Variants in LIX1 observed in about 807,000 individuals in gnomAD.
LIX1 encodes the protein limb and CNS expressed 1.
In LIX1, 24 loss-of-function variants were observed where a neutral mutation model predicts 33.4. The ratio of observed to expected loss-of-function variants is 0.72; its 90% CI spans 0.52 to 1.01. LIX1 has a LOEUF of 1.01. Among genes scored for constraint, LIX1 ranks in the 50% least tolerant of loss-of-function variants. The pLI is 0.00. For missense variants in LIX1, 311 were observed against 339.2 expected (o/e 0.92, Z 0.65); for synonymous variants, 124 against 124.0 (o/e 1.00, Z 0.00).
rs893605320 is a variant in LIX1, at chr5:97,093,332, G to T, written c.*1416C>A. 2.0e-5 allele frequency: 3 copies of T among 152,212 alleles called. No homozygotes were observed. Among genetic ancestry groups the T allele is most frequent in the Non-Finnish European group, 4.4e-5 (3 of 67,996 alleles). 9.4% of individuals were successfully genotyped at this position (152,212 alleles called of 1,614,324 possible). The stretch of plus-strand genomic sequence containing the variant: ...TGCACTTGCATAAACAAAAGAAAAA[G>T]AAATTATTTTAAATTGAGAAAAACA... On this transcript the variant is annotated 3_prime_UTR_variant, in exon 6 of 6. Transcript: ENST00000274382.
chr5:97,095,958 A>G (rs1746354907), intron 5 of LIX1, among the ~76,000 whole-genome samples: 1 of 152,236 alleles, frequency 6.6e-6, no homozygotes, highest in South Asian at 2.1e-4. Context: ...TTTCTTTTCC[A>G]TCTTTGACAT....
At position 97,108,684 on chromosome 5, in the gene LIX1, G is replaced by T. The variant is rs1747203016; in HGVS notation, c.247-1184C>A. On this transcript the variant is annotated intron_variant, in intron 2 of 5. Coordinates refer to ENST00000274382, the MANE Select transcript of LIX1 (RefSeq NM_153234.5). Reference sequence around the variant, plus strand: ...CTAGGGGGAAACAAGAGAAGTCCAGGCCTGGGTCCTGGTCAGTGGGGTGGC... The same window carrying T: ...CTAGGGGGAAACAAGAGAAGTCCAGTCCTGGGTCCTGGTCAGTGGGGTGGC... Among the ~76,000 whole-genome samples, 3 of 152,064 alleles carry T rather than the reference G, an allele frequency of 2.0e-5. No homozygotes were observed. In the South Asian group the frequency reaches 6.2e-4, roughly 32 times the overall value.
chr5:97,099,234 G>T (rs1306711932), intron 4 of LIX1, among the ~76,000 whole-genome samples: 1 of 152,202 alleles, frequency 6.6e-6, no homozygotes, highest in East Asian at 1.9e-4. Flanking sequence ...GGAGTGCTTT[G>T]TTCGAGAAAC....
intron 2 of LIX1, among the ~76,000 whole-genome samples, chr5:97,122,036 C>T (rs890157957): frequency 2.0e-5 from 3 of 152,124 alleles, no homozygotes; most frequent in Admixed American, 6.6e-5. Context: ...GCCTCTCATC[C>T]GTGTCTTTGG....
intron 4 of LIX1, among the ~76,000 whole-genome samples, chr5:97,097,210 G>T (rs1388997986): frequency 6.6e-6 from 1 of 152,178 alleles, no homozygotes; most frequent in Non-Finnish European, 1.5e-5. Flanking sequence ...GGATATCTGA[G>T]AAATAGTGTA....
intron 1 of LIX1, among the ~76,000 whole-genome samples, chr5:97,124,866 A>G (rs115426562): frequency 4.8e-4 from 73 of 152,296 alleles, no homozygotes; most frequent in Admixed American, 1.3e-3. Context: ...GCAAATGTGT[A>G]TATTTCTTAA....
intron 2 of LIX1, among the ~76,000 whole-genome samples, chr5:97,116,414 G>A (rs1747637627): frequency 6.6e-6 from 1 of 152,090 alleles, no homozygotes; most frequent in South Asian, 2.1e-4. Context: ...GTGTGTGCTG[G>A]GGATGGGGGT....
At chr5:97,127,358 C>T (rs535503571) in intron 1 of LIX1, among the ~76,000 whole-genome samples, 10 of 152,182 alleles carry the variant, frequency 6.6e-5, no homozygotes, top group Admixed American at 4.6e-4. Flanking sequence ...TGCACTAAGT[C>T]GATTTCTGTG....
At chr5:97,139,970 A>G (rs1157006749) in intron 1 of LIX1, among the ~76,000 whole-genome samples, 1 of 152,242 alleles carries the variant, frequency 6.6e-6, no homozygotes, top group Non-Finnish European at 1.5e-5. Flanking sequence ...ATTTCTTTAA[A>G]TGAATGTAAC....
chr5:97,098,360 TA>T (rs1490216588), intron 4 of LIX1, among the ~76,000 whole-genome samples: 1 of 152,204 alleles, frequency 6.6e-6, no homozygotes, highest in East Asian at 1.9e-4. Flanking sequence ...CTAAGGTGTA[TA>T]AGTTTACTGA....
intron 2 of LIX1, among the ~76,000 whole-genome samples, chr5:97,118,825 CT>C (rs1747704066): frequency 6.6e-6 from 1 of 152,012 alleles, no homozygotes; most frequent in Admixed American, 6.6e-5. Context: ...GCTATGGCTG[CT>C]TTCTCTCTCT....
At chr5:97,101,503 G>A (rs1381362919) in intron 4 of LIX1, among the ~76,000 whole-genome samples, 1 of 152,184 alleles carries the variant, frequency 6.6e-6, no homozygotes, top group African/African-American at 2.4e-5. Context: ...AGCTGGTCCT[G>A]ACCAGCGGAG....
chr5:97,108,363 C>T (rs1040107786), intron 2 of LIX1, among the ~76,000 whole-genome samples: 6 of 152,078 alleles, frequency 3.9e-5, no homozygotes, highest in Non-Finnish European at 7.4e-5. Flanking sequence ...AAAAAAAATT[C>T]ACTCCTCTCA....
At chr5:97,109,057 G>A (rs781445743) in intron 2 of LIX1, among the ~76,000 whole-genome samples, 17 of 152,096 alleles carry the variant, frequency 1.1e-4, no homozygotes, top group Admixed American at 4.6e-4. Flanking sequence ...TTATGCTCTC[G>A]TGTCCTCTAG....
intron 1 of LIX1, among the ~76,000 whole-genome samples, chr5:97,141,098 T>C (rs935532609): frequency 7.9e-5 from 12 of 151,686 alleles, no homozygotes; most frequent in Non-Finnish European, 1.0e-4. Context: ...TATTAAGTTT[T>C]CAATGGGCCA....
chr5:97,106,096 A>G (rs1561492171), intron 3 of LIX1, among the ~76,000 whole-genome samples: 2 of 152,250 alleles, frequency 1.3e-5, no homozygotes, highest in Non-Finnish European at 1.5e-5. Flanking sequence ...GAGGAAATCC[A>G]TCTAGAAGCA....
At chr5:97,110,112 G>T (rs939951659) in intron 2 of LIX1, among the ~76,000 whole-genome samples, 7 of 152,172 alleles carry the variant, frequency 4.6e-5, no homozygotes, top group African/African-American at 1.7e-4. Flanking sequence ...TAGTGGAATT[G>T]CTGGATCAAA....
At chr5:97,141,817 GT>G (rs1473447082) in intron 1 of LIX1, among the ~76,000 whole-genome samples, 8 of 152,200 alleles carry the variant, frequency 5.3e-5, no homozygotes, top group Non-Finnish European at 5.9e-5. Context: ...ATGACAAATG[GT>G]TTAATAGTAT....
chr5:97,110,500 G>A (rs548000418), intron 2 of LIX1, among the ~76,000 whole-genome samples: 70 of 152,194 alleles, frequency 4.6e-4, no homozygotes, highest in African/African-American at 1.6e-3. Flanking sequence ...GTGCAATGGC[G>A]TGATCTTGGC....
Sources: allele counts gnomAD v4.1 joint callset (sites outside exome capture counted in the v4.1 genomes callset), GRCh38; gene constraint gnomAD v4.1.1; transcripts MANE v1.5; gene names NCBI Gene and HGNC (gene_info 2026-07-23, HGNC 2026-07-21).